CES5A: variants seen among roughly 807,000 people sequenced by gnomAD.
CES5A encodes carboxylesterase 5.
Under a neutral mutation model 62.9 loss-of-function variants are expected in CES5A, and 67 were observed. That is an observed-to-expected ratio of 1.07 (90% CI 0.88 to 1.31). The LOEUF is 1.31. Among genes scored for constraint, CES5A ranks in the 50% most tolerant of loss-of-function variants. The probability of loss-of-function intolerance (pLI) is 0.00; values close to 1 mark genes in which losing one functional copy is unlikely to be tolerated. For synonymous variants in CES5A, 296 were observed against 280.8 expected (o/e 1.05, Z -0.54); for missense variants, 748 against 708.5 (o/e 1.06, Z -0.63).
intron 2 of CES5A, among the ~76,000 whole-genome samples, chr16:55,947,500 A>C (rs547295706): frequency 7.9e-5 from 12 of 152,242 alleles, no homozygotes; most frequent in African/African-American, 2.9e-4. Flanking sequence ...TGAACAAAAC[A>C]CTTCTCATAA....
intron 1 of CES5A, among the ~76,000 whole-genome samples, chr16:55,900,490 A>T (rs2033979645): frequency 6.6e-6 from 1 of 152,176 alleles, no homozygotes; most frequent in Admixed American, 6.5e-5. Context: ...ACTCTAAAAG[A>T]ATGAGCCCAG....
rs778667442 is a variant in CES5A at position 55,866,107 on chromosome 16, A to T, written c.561T>A (p.Asp187Glu). Residue 187 changes from aspartate to glutamate, a missense_variant, in exon 5 of 13, where the codon GAT (aspartate) becomes GAA (glutamate). Asp to Glu is a conservative substitution (Grantham distance 45). Transcript: ENST00000290567. Reference protein sequence around the residue: ...LGIFGFFTTWDQHAPGNWAFK... With the variant: ...LGIFGFFTTWEQHAPGNWAFK... Reference sequence around the variant, plus strand: ...AGGCCCAGTTCCCCGGAGCATGCTGATCCCATGTGCTGAGGACAAGAGGCA... The same window carrying T: ...AGGCCCAGTTCCCCGGAGCATGCTGTTCCCATGTGCTGAGGACAAGAGGCA... The T allele has an allele frequency of 3.7e-6, 6 of 1,612,922 alleles. No homozygotes were observed. In the South Asian group the frequency reaches 5.5e-5, roughly 15 times the overall value.
chr16:55,896,072 G>T (rs1382388129), intron 1 of CES5A, among the ~76,000 whole-genome samples: 1 of 152,174 alleles, frequency 6.6e-6, no homozygotes, highest in African/African-American at 2.4e-5. Context: ...AAGGAAAGAG[G>T]TTTAATTGAC....
intron 1 of CES5A, chr16:55,949,935 A>T (rs1357854469): frequency 1.0e-6 from 1 of 975,542 alleles, no homozygotes; most frequent in East Asian, 2.7e-5. Context: ...AATAATAAAC[A>T]TTGATGATAA....
intron 2 of CES5A, among the ~76,000 whole-genome samples, chr16:55,938,829 T>C (rs1222080325): frequency 8.6e-6 from 1 of 116,154 alleles, no homozygotes; most frequent in Non-Finnish European, 1.8e-5. Context: ...CACACATATA[T>C]ATATATACAC....
chr16:55,886,653 G>A (rs1350180128), intron 1 of CES5A, among the ~76,000 whole-genome samples: 2 of 152,118 alleles, frequency 1.3e-5, no homozygotes, highest in African/African-American at 4.8e-5. Flanking sequence ...TATCCTAAGT[G>A]GGAATCAAAC....
intron 1 of CES5A, among the ~76,000 whole-genome samples, chr16:55,890,772 C>T (rs1190641628): frequency 6.6e-6 from 1 of 152,006 alleles, no homozygotes; most frequent in Non-Finnish European, 1.5e-5. Context: ...CTCTTGTGAA[C>T]TCCAAAAATC....
At chr16:55,910,777 T>C (rs114687674) in intron 1 of CES5A, among the ~76,000 whole-genome samples, 3,332 of 152,070 alleles carry the variant, frequency 0.022, 130 homozygotes, top group African/African-American at 0.076. Flanking sequence ...CTACATCCCC[T>C]TGGTGCCCCA....
chr16:55,883,871 A>G (rs1197672649), intron 1 of CES5A, among the ~76,000 whole-genome samples: 2 of 152,184 alleles, frequency 1.3e-5, no homozygotes, highest in African/African-American at 4.8e-5. Context: ...GGTGGGGTCT[A>G]TTGACACAGT....
upstream of CES5A, among the ~76,000 whole-genome samples, chr16:55,930,094 C>T (rs2142467992): frequency 6.6e-6 from 1 of 152,188 alleles, no homozygotes; most frequent in East Asian, 1.9e-4. Context: ...TGGAACACAC[C>T]CACGTAGCCA....
chr16:55,850,873 G>A (rs28823964), intron 10 of CES5A, among the ~76,000 whole-genome samples: 127,678 of 152,104 alleles, frequency 0.84, 53,599 homozygotes, highest in East Asian at 0.89. Context: ...GTTTCTCTAT[G>A]TCCTTCACAC....
At chr16:55,893,625 C>T (rs1487757784) in intron 1 of CES5A, among the ~76,000 whole-genome samples, 3 of 151,492 alleles carry the variant, frequency 2.0e-5, no homozygotes, top group Non-Finnish European at 4.4e-5. Flanking sequence ...TAGACAAAGT[C>T]GAAAATAATT....
chr16:55,861,521 T>G lies in CES5A; in HGVS notation c.811-5A>C. ...GAAATGTGCAACCACCTGCAGCTAT[T>G]TTGTAGAGAAGGACCGGGTTAGAGC... On this transcript the variant is annotated splice_polypyrimidine_tract_variant and splice_region_variant and intron_variant, in intron 6 of 12. Coordinates refer to ENST00000290567, the MANE Select transcript of CES5A (RefSeq NM_001143685.2). The G allele has an allele frequency of 6.2e-7, 1 of 1,601,172 alleles. No individual in the cohort carries two copies. Among genetic ancestry groups the G allele is most frequent in the Non-Finnish European group, 8.6e-7 (1 of 1,168,250 alleles).
At chr16:55,950,168 G>A (rs1276064515) in intron 1 of CES5A, among the ~76,000 whole-genome samples, 2 of 152,020 alleles carry the variant, frequency 1.3e-5, no homozygotes, top group Non-Finnish European at 2.9e-5. Context: ...AGAAATGGAG[G>A]AGCACCAATG....
chr16:55,858,340 A>G (rs1361510072), intron 8 of CES5A, among the ~76,000 whole-genome samples: 2 of 152,208 alleles, frequency 1.3e-5, no homozygotes, highest in African/African-American at 4.8e-5. Context: ...AATAGGGAAA[A>G]TCATGCCTGT....
intron 4 of CES5A, among the ~76,000 whole-genome samples, chr16:55,869,044 C>A (rs564812958): frequency 1.3e-5 from 2 of 152,194 alleles, no homozygotes; most frequent in African/African-American, 4.8e-5. Context: ...CTCAGGTGAG[C>A]ATTCGAGAAG....
intron 1 of CES5A, among the ~76,000 whole-genome samples, chr16:55,919,130 C>T (rs532564464): frequency 6.6e-6 from 1 of 152,340 alleles, no homozygotes; most frequent in Non-Finnish European, 1.5e-5. Context: ...AGGCTGAGGG[C>T]TGGGCACCAA....
chr16:55,880,425 C>A (rs1212165204), intron 1 of CES5A, among the ~76,000 whole-genome samples: 1 of 152,202 alleles, frequency 6.6e-6, no homozygotes, highest in Non-Finnish European at 1.5e-5. Flanking sequence ...CCATTGCTCA[C>A]AGCATCAGTC....
At chr16:55,937,764 A>G (rs2034391967) in intron 2 of CES5A, among the ~76,000 whole-genome samples, 1 of 152,096 alleles carries the variant, frequency 6.6e-6, no homozygotes, top group Non-Finnish European at 1.5e-5. Context: ...CTTTATGTTA[A>G]TTATCAGCCT....
Sources: gnomAD v4.1 joint callset for allele counts (sites outside exome capture counted in the v4.1 genomes callset) on GRCh38, gnomAD v4.1.1 for gene constraint, MANE v1.5 for transcripts, NCBI Gene and HGNC (gene_info 2026-07-23, HGNC 2026-07-21) for gene names.